Variants in PPP1R21 observed in about 807,000 individuals in gnomAD.
PPP1R21 encodes KLRAQ motif containing 1.
Under a neutral mutation model 112.8 loss-of-function variants are expected in PPP1R21, and 85 were observed. That is an observed-to-expected ratio of 0.75 (90% CI 0.63 to 0.90). The LOEUF (loss-of-function observed/expected upper bound fraction) is 0.90. Among genes scored for constraint, PPP1R21 ranks in the 40% least tolerant of loss-of-function variants. The probability of loss-of-function intolerance (pLI) is 0.00; values close to 1 mark genes in which losing one functional copy is unlikely to be tolerated. For missense variants in PPP1R21, 1,199 were observed against 901.5 expected, an observed-to-expected ratio of 1.33 and a Z score of -4.23; for synonymous variants, 381 against 322.3, an observed-to-expected ratio of 1.18 and a Z score of -1.95.
intron 4 of PPP1R21, among the ~76,000 whole-genome samples, chr2:48,458,981 A>G (rs1667850696): frequency 6.6e-6 from 1 of 151,584 alleles, no homozygotes. Flanking sequence ...AGTCCCAGCT[A>G]CTTGGGAGGC....
chr2:48,446,435 C>G (rs1366912948), intron 1 of PPP1R21, among the ~76,000 whole-genome samples: 1 of 152,100 alleles, frequency 6.6e-6, no homozygotes, highest in Non-Finnish European at 1.5e-5. Flanking sequence ...GAGTTAGGCT[C>G]AAGGCTTTTG....
At position 48,465,593 on chromosome 2, in the gene PPP1R21, T is replaced by G; in HGVS notation, c.848T>G (p.Ile283Ser). Reference protein sequence around the residue: ...FHTYTEQRIQIFPVDSAIDTI... With the variant: ...FHTYTEQRIQSFPVDSAIDTI... ...ACCTACACAGAACAGAGGATTCAAA[T>G]TTTTCCTGTTGATTCTGCCATTGAC... The change falls in exon 9 of 22, where the codon ATT (isoleucine) becomes AGT (serine). Residue 283 changes from isoleucine to serine, a missense_variant. Ile to Ser is a moderately radical substitution (Grantham distance 142). Coordinates refer to ENST00000294952, the MANE Select transcript of PPP1R21 (RefSeq NM_001135629.3). The G allele has an allele frequency of 1.2e-6, 2 of 1,613,844 alleles. No homozygotes were observed. The highest frequency in any genetic ancestry group is 1.7e-6 in the Non-Finnish European group (2 of 1,179,856).
chr2:48,450,774 G>A (rs775451469), intron 1 of PPP1R21, among the ~76,000 whole-genome samples: 1 of 149,576 alleles, frequency 6.7e-6, no homozygotes, highest in Non-Finnish European at 1.5e-5. Context: ...TTTTGCCATT[G>A]ATTTTTTTTT....
chr2:48,495,668 T>G lies in PPP1R21; in HGVS notation c.1600-11T>G, dbSNP rs182316121. On this transcript the variant is annotated splice_polypyrimidine_tract_variant and intron_variant, in intron 15 of 21. Transcript: ENST00000294952. ...ATTTTTTCTTTAATTCTTATGATGC[T>G]TTTATCATAGCCCCTCTTGGAGTCT... The G allele has an allele frequency of 9.6e-4, 1,477 of 1,537,810 alleles. 11 individuals carry two copies. The African/African-American group carries it at 0.016, about 16-fold the overall frequency.
chr2:48,465,709 A>T (rs190591196), intron 9 of PPP1R21, 67 bp downstream of exon 9: 2 of 1,458,674 alleles, frequency 1.4e-6, no homozygotes, highest in Non-Finnish European at 1.9e-6. Flanking sequence ...TTGTTTTTAG[A>T]CCTCTTCTGT....
intron 1 of PPP1R21, among the ~76,000 whole-genome samples, chr2:48,445,194 G>A (rs979966304): frequency 1.4e-5 from 2 of 148,094 alleles, no homozygotes; most frequent in South Asian, 2.1e-4. Flanking sequence ...AGTAAAGTTG[G>A]GTTGGAAAAC....
intron 14 of PPP1R21, among the ~76,000 whole-genome samples, chr2:48,487,183 A>C (rs1003086783): frequency 1.2e-4 from 18 of 152,206 alleles, no homozygotes; most frequent in Admixed American, 5.2e-4. Context: ...GTGTATATGA[A>C]GGGTCTGCCA....
At chr2:48,503,711 G>A (rs1670235996) in intron 17 of PPP1R21, among the ~76,000 whole-genome samples, 1 of 152,086 alleles carries the variant, frequency 6.6e-6, no homozygotes, top group African/African-American at 2.4e-5. Flanking sequence ...ACTTTGGGAG[G>A]CCGAGGCGGG....
chr2:48,450,204 CA>C (rs1256556910), intron 1 of PPP1R21, among the ~76,000 whole-genome samples: 3 of 152,130 alleles, frequency 2.0e-5, no homozygotes, highest in Non-Finnish European at 4.4e-5. Flanking sequence ...AAATAGCAGC[CA>C]GTATTGTCTA....
Position 48,440,962 on chromosome 2 carries a change from G to C in PPP1R21, c.9G>C (p.Ser3=). 1 of 1,611,546 alleles carries C rather than the reference G, an allele frequency of 6.2e-7. No homozygotes were observed. Among genetic ancestry groups the C allele is most frequent in the Non-Finnish European group, 8.5e-7 (1 of 1,178,500 alleles). Residue 3 remains serine (S), a synonymous_variant, in exon 1 of 22, where the codon TCG becomes TCC. Transcript: ENST00000294952. ...ACGGGGCGGGGGAGGCCATGGCCTC[G>C]GCTGAGTTGCAGGGGAAGTACCAGA... MA[S]AELQGKYQKL...
chr2:48,514,248 G>A (rs1670770046), intron 21 of PPP1R21, among the ~76,000 whole-genome samples: 1 of 151,884 alleles, frequency 6.6e-6, no homozygotes, highest in Non-Finnish European at 1.5e-5. Context: ...ACCATGCCCG[G>A]CTAATTTTTT....
At chr2:48,449,726 T>A (rs1309319317) in intron 1 of PPP1R21, among the ~76,000 whole-genome samples, 1 of 152,060 alleles carries the variant, frequency 6.6e-6, no homozygotes, top group African/African-American at 2.4e-5. Context: ...ATTAGAAAGA[T>A]TTTTAAAAAT....
intron 1 of PPP1R21, among the ~76,000 whole-genome samples, chr2:48,445,041 C>T (rs1047896610): frequency 4.6e-5 from 7 of 151,622 alleles, no homozygotes; most frequent in Non-Finnish European, 1.0e-4. Flanking sequence ...CATGTTTGCT[C>T]TCCAGATAAC....
At chr2:48,482,351 G>T (rs1669052414) in intron 13 of PPP1R21, among the ~76,000 whole-genome samples, 1 of 152,162 alleles carries the variant, frequency 6.6e-6, no homozygotes, top group South Asian at 2.1e-4. Flanking sequence ...ATAGACAGAA[G>T]AATGGTCTTG....
At chr2:48,473,947 G>T (rs1668632110) in intron 11 of PPP1R21, among the ~76,000 whole-genome samples, 1 of 152,168 alleles carries the variant, frequency 6.6e-6, no homozygotes, top group African/African-American at 2.4e-5. Context: ...GAAAAACTAT[G>T]TGTACTGGAA....
At position 48,455,076 on chromosome 2, in the gene PPP1R21, G is replaced by A. The variant is rs566467949; in HGVS notation, c.273+335G>A. On this transcript the variant is annotated intron_variant, in intron 3 of 21. Coordinates refer to ENST00000294952, the MANE Select transcript of PPP1R21 (RefSeq NM_001135629.3). ...TGGCCTTGAACTCCTGGACTCAAGC[G>A]ATCCACCTGCCTCGGCCTCCCAAAG... 7.9e-5 allele frequency among the ~76,000 whole-genome samples: 12 copies of A among 151,830 alleles called. 1 individual carries two copies. Among genetic ancestry groups the A allele is most frequent in the African/African-American group, 1.4e-4 (6 of 41,396 alleles).
chr2:48,470,242 G>C (rs1197622172), intron 9 of PPP1R21, among the ~76,000 whole-genome samples: 1 of 152,094 alleles, frequency 6.6e-6, no homozygotes, highest in Non-Finnish European at 1.5e-5. Context: ...ATTAAGCTGG[G>C]CATGTTGGCT....
chr2:48,445,708 A>G (rs945059912), intron 1 of PPP1R21, among the ~76,000 whole-genome samples: 1 of 152,192 alleles, frequency 6.6e-6, no homozygotes, highest in African/African-American at 2.4e-5. Context: ...GTTTCCCTGC[A>G]TGGGAGCAGG....
intron 16 of PPP1R21, 147 bp downstream of exon 16, chr2:48,495,918 T>C: frequency 1.8e-6 from 1 of 552,026 alleles, no homozygotes; most frequent in Non-Finnish European, 3.2e-6. Context: ...AAAAAGCAAA[T>C]AGACATAATT....
Sources: allele counts gnomAD v4.1 joint callset (sites outside exome capture counted in the v4.1 genomes callset), GRCh38; gene constraint gnomAD v4.1.1; transcripts MANE v1.5; gene names NCBI Gene and HGNC (gene_info 2026-07-23, HGNC 2026-07-21).